Variants in CHCHD3 observed in about 807,000 individuals in gnomAD.
CHCHD3 encodes MICOS complex subunit MIC19.
A neutral mutation model predicts 38.2 loss-of-function variants in CHCHD3; 20 were observed. The ratio of observed to expected loss-of-function variants is 0.52; its 90% CI spans 0.37 to 0.76. The LOEUF is 0.76. Ranked by LOEUF, CHCHD3 falls within the 30% of genes least tolerant of loss-of-function variation. The pLI is 0.00. For synonymous variants in CHCHD3, 82 were observed against 100.0 expected (o/e 0.82, Z 1.07); for missense variants, 245 against 279.2 (o/e 0.88, Z 0.87).
In CHCHD3 at chr7:132,916,460, G is replaced by A. The variant is rs530242147; in HGVS notation, c.370-30715C>T. On this transcript the variant is annotated intron_variant, in intron 4 of 7. Coordinates refer to ENST00000262570, the MANE Select transcript of CHCHD3 (RefSeq NM_017812.4). ...CTTTATCCAAGGTCAACCATAGTCC[G>A]AAAATAAGTGAGTACTGTACAATAA... is the stretch of plus-strand genomic sequence containing the variant. Among the ~76,000 whole-genome samples the A allele has an allele frequency of 1.4e-3, 216 of 151,248 alleles. 1 individual carries two copies. The highest frequency in any genetic ancestry group is 3.4e-3 in the Middle Eastern group (1 of 294).
chr7:132,876,661 T>A (rs1241776343), intron 5 of CHCHD3, among the ~76,000 whole-genome samples: 1 of 152,186 alleles, frequency 6.6e-6, no homozygotes, highest in African/African-American at 2.4e-5. Flanking sequence ...AGCTGCACTG[T>A]ATATTTTCTC....
At chr7:132,966,406 C>A (rs945501259) in intron 4 of CHCHD3, among the ~76,000 whole-genome samples, 1 of 152,150 alleles carries the variant, frequency 6.6e-6, no homozygotes, top group African/African-American at 2.4e-5. Context: ...TCAAGAAACA[C>A]AGAAAAAGCA....
intron 6 of CHCHD3, among the ~76,000 whole-genome samples, chr7:132,813,214 A>G (rs1563242960): frequency 6.6e-6 from 1 of 152,196 alleles, no homozygotes; most frequent in Non-Finnish European, 1.5e-5. Context: ...GCCAGTGTAT[A>G]TGTGGGGGAA....
Position 132,982,798 on chromosome 7 carries a change from C to T in CHCHD3, c.252-7512G>A, listed in dbSNP as rs566998634. ...ACAGAACTTTTAAGTACAGCTGAAC[C>T]TTCAATAACACACGTTTGGACTGTG... On this transcript the variant is annotated intron_variant, in intron 3 of 7. Coordinates refer to ENST00000262570, the MANE Select transcript of CHCHD3 (RefSeq NM_017812.4). Among the ~76,000 whole-genome samples the T allele has an allele frequency of 3.9e-5, 6 of 152,110 alleles. No homozygotes were observed. In the South Asian group the frequency reaches 6.2e-4, roughly 16 times the overall value.
intron 2 of CHCHD3, among the ~76,000 whole-genome samples, chr7:133,039,023 A>G (rs1813756403): frequency 6.6e-6 from 1 of 152,248 alleles, no homozygotes; most frequent in East Asian, 1.9e-4. Flanking sequence ...ACGCATATAA[A>G]GTTTAGCTTT....
At chr7:132,917,858 C>CA (rs33977058) in intron 4 of CHCHD3, among the ~76,000 whole-genome samples, 60,579 of 92,838 alleles carry the variant, frequency 0.65, 20,446 homozygotes, top group Middle Eastern at 0.73. Context: ...GACTCCATCT[C>CA]AAAAAAAAAA....
intron 4 of CHCHD3, among the ~76,000 whole-genome samples, chr7:132,894,209 TA>T (rs1484959244): frequency 6.6e-6 from 1 of 152,220 alleles, no homozygotes; most frequent in Non-Finnish European, 1.5e-5. Flanking sequence ...ACCAATTTTA[TA>T]AACTTTCTTC....
At chr7:132,847,733 C>T (rs750139638) in intron 5 of CHCHD3, among the ~76,000 whole-genome samples, 8 of 152,214 alleles carry the variant, frequency 5.3e-5, no homozygotes, top group Admixed American at 1.3e-4. Context: ...AAAACATGCA[C>T]ATACACACAC....
chr7:132,875,368 G>C (rs1808870698), intron 5 of CHCHD3, among the ~76,000 whole-genome samples: 2 of 152,194 alleles, frequency 1.3e-5, no homozygotes, highest in Admixed American at 1.3e-4. Context: ...CACTATCACA[G>C]TGATTAAAGG....
chr7:132,950,343 T>C (rs914703650), intron 4 of CHCHD3, among the ~76,000 whole-genome samples: 25 of 152,160 alleles, frequency 1.6e-4, no homozygotes, highest in Non-Finnish European at 3.2e-4. Flanking sequence ...AAAAATCTAA[T>C]AGAGACCTTA....
chr7:132,785,627 C>A lies in CHCHD3; in HGVS notation c.*10G>T, dbSNP rs1806294461. 6 of 1,613,964 alleles carry A rather than the reference C, an allele frequency of 3.7e-6. No individual in the cohort carries two copies. The highest frequency in any genetic ancestry group is 1.7e-4 in the Middle Eastern group (1 of 6,052). On this transcript the variant is annotated 3_prime_UTR_variant, in exon 8 of 8. Transcript: ENST00000262570. Reference sequence around the variant, plus strand: ...TAACGTTGATGGTGTTTTGCTCATTCTGAAAGTTTTTATCCTCCCTTCTCA... The same window carrying A: ...TAACGTTGATGGTGTTTTGCTCATTATGAAAGTTTTTATCCTCCCTTCTCA...
At chr7:132,961,983 T>A (rs1013061516) in intron 4 of CHCHD3, among the ~76,000 whole-genome samples, 2 of 152,174 alleles carry the variant, frequency 1.3e-5, no homozygotes, top group African/African-American at 4.8e-5. Flanking sequence ...AAGCTCTGAG[T>A]CTTCATTCTA....
chr7:132,942,468 AACT>A (rs1240236702), intron 4 of CHCHD3, among the ~76,000 whole-genome samples: 36 of 152,214 alleles, frequency 2.4e-4, no homozygotes, highest in Admixed American at 6.5e-5. Context: ...GTTCTCTAAC[AACT>A]ACAAGTTAAG....
Position 133,020,033 on chromosome 7 carries a change from G to A in CHCHD3, c.251+4513C>T, listed in dbSNP as rs750831968. ...GGCATTTACTCTGGATTCTCGGTAC[G>A]CTGAGCAACTATTCTGTCTACTAGA... On this transcript the variant is annotated intron_variant, in intron 3 of 7. Coordinates refer to ENST00000262570, the MANE Select transcript of CHCHD3 (RefSeq NM_017812.4). Among the ~76,000 whole-genome samples the A allele has an allele frequency of 7.9e-5, 12 of 152,052 alleles. No homozygotes were observed. The South Asian group carries it at 1.5e-3, about 18-fold the overall frequency.
At chr7:132,816,263 G>GA (rs1243810816) in intron 6 of CHCHD3, among the ~76,000 whole-genome samples, 4 of 151,880 alleles carry the variant, frequency 2.6e-5, no homozygotes, top group East Asian at 1.9e-4. Context: ...GCAAAGCCAG[G>GA]AAAAAAAATC....
chr7:132,847,719 A>G (rs531628733), intron 5 of CHCHD3, among the ~76,000 whole-genome samples: 11 of 152,350 alleles, frequency 7.2e-5, no homozygotes, highest in African/African-American at 2.6e-4. Context: ...AATTTGATCA[A>G]AAGAAAACAT....
At chr7:132,883,046 C>T (rs532208082) in intron 5 of CHCHD3, among the ~76,000 whole-genome samples, 4 of 152,248 alleles carry the variant, frequency 2.6e-5, no homozygotes, top group African/African-American at 7.2e-5. Flanking sequence ...CTCTCTCTCT[C>T]CTGCCACCAT....
intron 2 of CHCHD3, among the ~76,000 whole-genome samples, chr7:133,066,852 T>C (rs528740523): frequency 4.6e-5 from 7 of 152,306 alleles, no homozygotes; most frequent in Admixed American, 3.3e-4. Flanking sequence ...CAATTACTTA[T>C]AGACAACGGG....
At chr7:133,000,481 T>C (rs755179946) in intron 3 of CHCHD3, among the ~76,000 whole-genome samples, 2 of 152,100 alleles carry the variant, frequency 1.3e-5, no homozygotes, top group Non-Finnish European at 2.9e-5. Context: ...AAGAAGAGAA[T>C]ACCAGAAAAA....
Sources: allele counts gnomAD v4.1 joint callset (sites outside exome capture counted in the v4.1 genomes callset), GRCh38; gene constraint gnomAD v4.1.1; transcripts MANE v1.5; gene names NCBI Gene and HGNC (gene_info 2026-07-23, HGNC 2026-07-21).